The following CTTNBP2 variants were observed in gnomAD, a reference collection of about 807,000 sequenced individuals.
CTTNBP2 encodes cortactin binding protein 2.
In CTTNBP2, 108 loss-of-function variants were observed where a neutral mutation model predicts 156.9. The ratio of observed to expected loss-of-function variants is 0.69; its 90% CI spans 0.59 to 0.81. The LOEUF is 0.81. Ranked by LOEUF, CTTNBP2 falls within the 30% of genes least tolerant of loss-of-function variation. The pLI is 0.00. For synonymous variants in CTTNBP2, 767 were observed against 751.8 expected (o/e 1.02, Z -0.33); for missense variants, 1,924 against 2,035.4 (o/e 0.95, Z 1.05).
At chr7:117,778,240 C>T (rs1042787172) in intron 7 of CTTNBP2, among the ~76,000 whole-genome samples, 4 of 152,052 alleles carry the variant, frequency 2.6e-5, no homozygotes, top group Non-Finnish European at 5.9e-5. Context: ...CCAACCACCC[C>T]AGAAGCAAAG....
chr7:117,872,103 C>G (rs1804650407), intron 1 of CTTNBP2: 1 of 397,542 alleles, frequency 2.5e-6, no homozygotes. Flanking sequence ...TCAAAACTTG[C>G]CAGTTTTACA....
intron 14 of CTTNBP2, among the ~76,000 whole-genome samples, chr7:117,738,449 C>T (rs76860590): frequency 6.6e-6 from 1 of 152,116 alleles, no homozygotes; most frequent in Non-Finnish European, 1.5e-5. Context: ...GAACACACCT[C>T]CTAGACTCTT....
chr7:117,779,276 AAGG>A (rs1798272038), intron 7 of CTTNBP2, among the ~76,000 whole-genome samples: 2 of 152,076 alleles, frequency 1.3e-5, no homozygotes, highest in Non-Finnish European at 2.9e-5. Flanking sequence ...TTATATTACA[AAGG>A]CCATGCAACC....
chr7:117,733,809 C>G (rs1365732152), intron 16 of CTTNBP2, among the ~76,000 whole-genome samples: 1 of 152,198 alleles, frequency 6.6e-6, no homozygotes, highest in Non-Finnish European at 1.5e-5. Flanking sequence ...AGCACAAATG[C>G]GTACACATAC....
chr7:117,755,409 G>A (rs749329616), intron 12 of CTTNBP2: 3 of 326,232 alleles, frequency 9.2e-6, no homozygotes, highest in Admixed American at 4.4e-5. Context: ...ATTTAAAAAG[G>A]TCATCGAAAT....
At chr7:117,735,539 G>C in intron 14 of CTTNBP2, 118 bp from the exon 15 acceptor site, 3 of 837,794 alleles carry the variant, frequency 3.6e-6, no homozygotes, top group Non-Finnish European at 1.9e-6. Context: ...TAATGGGAAT[G>C]TTCTTAAATT....
intron 3 of CTTNBP2, among the ~76,000 whole-genome samples, chr7:117,794,897 T>C (rs1799229807): frequency 7.3e-6 from 1 of 137,730 alleles, no homozygotes; most frequent in South Asian, 2.5e-4. Flanking sequence ...TTTTTTTTTT[T>C]TTTTTTTTGA....
chr7:117,792,715 C>T lies in CTTNBP2; in HGVS notation c.481G>A (p.Glu161Lys). 1 of 1,610,058 alleles carries T rather than the reference C, an allele frequency of 6.2e-7. No homozygotes were observed. Residue 161 changes from glutamate (E) to lysine (K), a missense_variant, in exon 4 of 23, where the codon GAG (glutamate) becomes AAG (lysine). Transcript: ENST00000160373. This position sits in a 1 kb window ranked among gnomAD's most constrained non-coding sequence, Gnocchi z 4.2. ...TGCTTGTTCTTGCCACGCTCTTCCT[C>T]AAGGCGGGCAGCCAGCTTCTTGTGC... ...QEHKKLAARL[E>K]EERGKNKQVV...
chr7:117,714,815 G>A (rs1242525747), intron 22 of CTTNBP2, among the ~76,000 whole-genome samples: 1 of 152,200 alleles, frequency 6.6e-6, no homozygotes, highest in African/African-American at 2.4e-5. Flanking sequence ...GGTGACCAAT[G>A]CACAGCATCC....
intron 2 of CTTNBP2, among the ~76,000 whole-genome samples, chr7:117,831,770 C>G (rs1801626096): frequency 6.6e-6 from 1 of 151,954 alleles, no homozygotes; most frequent in African/African-American, 2.4e-5. Context: ...TTATCCTCCT[C>G]GTGACATTCA....
intron 2 of CTTNBP2, among the ~76,000 whole-genome samples, chr7:117,839,474 G>C (rs1196803508): frequency 9.2e-5 from 14 of 152,126 alleles, no homozygotes; most frequent in Non-Finnish European, 1.9e-4. Flanking sequence ...ATAGCTAAGG[G>C]ATCATAATAA....
At chr7:117,817,361 A>ATATATATATATAGATATATATAT (rs1298639361) in intron 2 of CTTNBP2, among the ~76,000 whole-genome samples, 1 of 53,286 alleles carries the variant, frequency 1.9e-5, no homozygotes. Flanking sequence ...AAAAAAAAAA[A>ATATATATATATAGATATATATAT]ATATATATAT....
chr7:117,825,277 T>A (rs543118346), intron 2 of CTTNBP2, among the ~76,000 whole-genome samples: 15 of 152,346 alleles, frequency 9.8e-5, no homozygotes, highest in Non-Finnish European at 1.5e-4. Context: ...GAAAAGTCTC[T>A]CATCGTCTGT....
chr7:117,717,161 C>T (rs190088606), intron 22 of CTTNBP2, among the ~76,000 whole-genome samples: 271 of 152,272 alleles, frequency 1.8e-3, no homozygotes, highest in African/African-American at 4.6e-3. Flanking sequence ...ATTTATTAAC[C>T]AACTGATAAT....
intron 8 of CTTNBP2, 152 bp from the exon 9 acceptor site, chr7:117,767,328 A>T (rs1349463911): frequency 1.7e-6 from 1 of 596,006 alleles, no homozygotes. Flanking sequence ...ATACAGATTA[A>T]TCTTAAACTA....
At chr7:117,869,227 T>C (rs200701037) in intron 1 of CTTNBP2, among the ~76,000 whole-genome samples, 2 of 152,302 alleles carry the variant, frequency 1.3e-5, no homozygotes, top group East Asian at 3.9e-4. Flanking sequence ...TTAAAAGAAT[T>C]AGGGTTATCT....
intron 2 of CTTNBP2, among the ~76,000 whole-genome samples, chr7:117,858,962 A>C (rs1803516972): frequency 6.6e-6 from 1 of 152,168 alleles, no homozygotes; most frequent in African/African-American, 2.4e-5. Flanking sequence ...CAACTATTAT[A>C]TTCATGTCAA....
intron 3 of CTTNBP2, among the ~76,000 whole-genome samples, chr7:117,796,798 G>A (rs1799346421): frequency 6.6e-6 from 1 of 152,188 alleles, no homozygotes; most frequent in South Asian, 2.1e-4. Flanking sequence ...ACATGTAGAT[G>A]AATGTTTTTA....
intron 3 of CTTNBP2, among the ~76,000 whole-genome samples, chr7:117,801,096 A>G (rs1283874588): frequency 6.6e-6 from 1 of 152,170 alleles, no homozygotes; most frequent in Non-Finnish European, 1.5e-5. Context: ...CTGATGTAAT[A>G]AACAAGTAAA....
Sources: allele counts gnomAD v4.1 joint callset (sites outside exome capture counted in the v4.1 genomes callset), GRCh38; gene constraint gnomAD v4.1.1; non-coding constraint Gnocchi (gnomAD v3.1); transcripts MANE v1.5; gene names NCBI Gene and HGNC (gene_info 2026-07-23, HGNC 2026-07-21).